Variants in XKR9 observed in about 807,000 individuals in gnomAD.
XKR9 encodes XK related 9.
XKR9 carries 32 observed loss-of-function variants against 32.0 expected under a neutral mutation model. The observed-to-expected ratio is 1.00, with a 90% CI of 0.76 to 1.34. The LOEUF is 1.34. XKR9 is among the 40% of genes most tolerant of loss of function. XKR9 has a pLI of 0.00. For missense variants in XKR9, 546 were observed against 429.7 expected, an observed-to-expected ratio of 1.27 and a Z score of -2.39; for synonymous variants, 168 against 143.4, an observed-to-expected ratio of 1.17 and a Z score of -1.22.
chr8:70,813,610 C>A, the XKR9 span, among the ~76,000 whole-genome samples: 1 of 152,122 alleles, frequency 6.6e-6, no homozygotes, highest in Non-Finnish European at 1.5e-5. Context: ...AAACAAACAA[C>A]CCCATCAACA....
chr8:70,853,920 T>G, the XKR9 span, among the ~76,000 whole-genome samples: 1 of 152,208 alleles, frequency 6.6e-6, no homozygotes, highest in Non-Finnish European at 1.5e-5. Context: ...CTTAATCCAG[T>G]CTATCATTGT....
chr8:71,031,857 G>C, the XKR9 span, among the ~76,000 whole-genome samples: 2 of 152,120 alleles, frequency 1.3e-5, no homozygotes, highest in African/African-American at 2.4e-5. Flanking sequence ...TTTAAAGTTA[G>C]TTTTTAAGAG....
At chr8:70,912,708 C>T in the XKR9 span, among the ~76,000 whole-genome samples, 1 of 151,852 alleles carries the variant, frequency 6.6e-6, no homozygotes, top group African/African-American at 2.4e-5. Flanking sequence ...TAGTTGAAAC[C>T]GCAGACTGAT....
chr8:70,814,165 C>G, the XKR9 span, among the ~76,000 whole-genome samples: 2 of 152,010 alleles, frequency 1.3e-5, no homozygotes, highest in African/African-American at 4.8e-5. Flanking sequence ...AAACTGGAAA[C>G]CATCATTCTC....
chr8:71,018,124 A>C, the XKR9 span, among the ~76,000 whole-genome samples: 3 of 152,334 alleles, frequency 2.0e-5, no homozygotes, highest in Admixed American at 6.5e-5. Context: ...TCTTGTATCC[A>C]GAAGAAGTAA....
chr8:70,682,102 G>A (rs1253702339), intron 3 of XKR9, among the ~76,000 whole-genome samples: 1 of 152,100 alleles, frequency 6.6e-6, no homozygotes, highest in Non-Finnish European at 1.5e-5. Flanking sequence ...AAAAGAAACA[G>A]AATGTGCAGT....
downstream of XKR9, among the ~76,000 whole-genome samples, chr8:70,794,231 T>G (rs1488208323): frequency 6.6e-6 from 1 of 152,170 alleles, no homozygotes; most frequent in Non-Finnish European, 1.5e-5. Context: ...TGAACTCATT[T>G]ATTAGTTCTA....
chr8:70,683,795 T>A (rs1440876893), intron 3 of XKR9, among the ~76,000 whole-genome samples: 1 of 152,250 alleles, frequency 6.6e-6, no homozygotes, highest in East Asian at 1.9e-4. Context: ...GCCCTAGAAT[T>A]ACTTTACTTC....
the XKR9 span, among the ~76,000 whole-genome samples, chr8:70,924,945 G>A: frequency 2.2e-3 from 328 of 152,188 alleles, no homozygotes; most frequent in Non-Finnish European, 3.6e-3. Flanking sequence ...GCTCTCCAAG[G>A]CAGGAGCATC....
the XKR9 span, among the ~76,000 whole-genome samples, chr8:70,979,672 C>A: frequency 9.2e-5 from 14 of 152,318 alleles, no homozygotes; most frequent in South Asian, 1.2e-3. Context: ...TGTCAGTCAG[C>A]CCCTACTGGG....
At chr8:70,722,428 C>T (rs969792993) in intron 4 of XKR9, among the ~76,000 whole-genome samples, 6 of 152,146 alleles carry the variant, frequency 3.9e-5, no homozygotes, top group Non-Finnish European at 7.4e-5. Flanking sequence ...TTTGCAGTGG[C>T]TAGTACCAGC....
At chr8:70,919,957 T>C in the XKR9 span, among the ~76,000 whole-genome samples, 1 of 152,130 alleles carries the variant, frequency 6.6e-6, no homozygotes, top group African/African-American at 2.4e-5. Context: ...ATTTGAGAGG[T>C]CTTGGAGACT....
the XKR9 span, among the ~76,000 whole-genome samples, chr8:70,816,940 C>G: frequency 3.3e-5 from 5 of 151,954 alleles, no homozygotes; most frequent in African/African-American, 1.2e-4. Flanking sequence ...GATAAAAACC[C>G]TCAACCAACT....
the XKR9 span, among the ~76,000 whole-genome samples, chr8:70,868,960 C>T: frequency 6.6e-6 from 1 of 152,198 alleles, no homozygotes; most frequent in East Asian, 1.9e-4. Flanking sequence ...ATCTCTAGGG[C>T]AGGGCAAAAT....
At chr8:70,904,257 C>T in the XKR9 span, among the ~76,000 whole-genome samples, 2 of 152,132 alleles carry the variant, frequency 1.3e-5, no homozygotes, top group African/African-American at 2.4e-5. Context: ...GTCTAAGTCT[C>T]TCTGTAGGTT....
the XKR9 span, among the ~76,000 whole-genome samples, chr8:71,024,856 T>C: frequency 6.6e-6 from 1 of 152,208 alleles, no homozygotes; most frequent in Non-Finnish European, 1.5e-5. Context: ...TTCAGTGTTC[T>C]CTCTTGGTTG....
the XKR9 span, among the ~76,000 whole-genome samples, chr8:71,011,094 C>T: frequency 6.6e-6 from 1 of 152,118 alleles, no homozygotes; most frequent in Non-Finnish European, 1.5e-5. Context: ...ATTTGGAAGG[C>T]TGATAGGTGG....
At chr8:70,985,510 T>G in the XKR9 span, among the ~76,000 whole-genome samples, 1 of 152,212 alleles carries the variant, frequency 6.6e-6, no homozygotes, top group African/African-American at 2.4e-5. Context: ...AGATTGCATC[T>G]AAGTTTTTAT....
chr8:70,712,070 G>A (rs1805937243), intron 4 of XKR9, among the ~76,000 whole-genome samples: 1 of 152,140 alleles, frequency 6.6e-6, no homozygotes, highest in Non-Finnish European at 1.5e-5. Context: ...CTGAAATCGT[G>A]CTTTTATTTC....
Sources: gnomAD v4.1 joint callset for allele counts (sites outside exome capture counted in the v4.1 genomes callset) on GRCh38, gnomAD v4.1.1 for gene constraint, MANE v1.5 for transcripts, NCBI Gene and HGNC (gene_info 2026-07-23, HGNC 2026-07-21) for gene names.